The following SPTBN4 variants were observed in gnomAD, a reference collection of about 807,000 sequenced individuals.
The protein encoded by SPTBN4 is spectrin beta, non-erythrocytic 4, also known as spectrin beta chain, non-erythrocytic 4.
Under a neutral mutation model 277.8 loss-of-function variants are expected in SPTBN4, and 96 were observed. The ratio of observed to expected loss-of-function variants is 0.35; its 90% confidence interval spans 0.29 to 0.41. SPTBN4 has a LOEUF of 0.41. Ranked by LOEUF, SPTBN4 falls within the 10% of genes least tolerant of loss-of-function variation. The pLI, the probability that SPTBN4 is intolerant of heterozygous loss-of-function variation, is 1.00. For missense variants in SPTBN4, 3,006 were observed against 3,595.7 expected (o/e 0.84, Z 4.19); for synonymous variants, 1,481 against 1,580.3 (o/e 0.94, Z 1.49).
intron 14 of SPTBN4, 37 bp downstream of exon 14, chr19:40,513,591 C>T: frequency 6.7e-7 from 1 of 1,486,044 alleles, no homozygotes; most frequent in Admixed American, 2.1e-5. Flanking sequence ...GGTCCCCTTC[C>T]TCATGCACCC....
intron 1 of SPTBN4, among the ~76,000 whole-genome samples, chr19:40,468,852 A>C (rs1408142030): frequency 1.3e-5 from 2 of 152,180 alleles, no homozygotes; most frequent in African/African-American, 4.8e-5. Context: ...TAACCCCAGC[A>C]CTTTGGGAAG....
chr19:40,470,379 C>T (rs762090383), intron 1 of SPTBN4, among the ~76,000 whole-genome samples: 11 of 152,018 alleles, frequency 7.2e-5, no homozygotes, highest in Non-Finnish European at 1.3e-4. Flanking sequence ...CATCTTGGCT[C>T]ACTGCAACCT....
At chr19:40,507,704 G>T (rs2080346020) in intron 13 of SPTBN4, among the ~76,000 whole-genome samples, 1 of 152,092 alleles carries the variant, frequency 6.6e-6, no homozygotes, top group African/African-American at 2.4e-5. Context: ...ACATAGTGGT[G>T]CACACCTGTA....
chr19:40,480,335 G>T lies in SPTBN4; in HGVS notation c.170-7362G>T, dbSNP rs564590063. ...CTCAAAAGACTGAGGTGGGAAGATT[G>T]CTTGAGCCCGAGTTCCAGGCTGCAG... On this transcript the variant is annotated intron_variant, in intron 2 of 35. Transcript: ENST00000598249. 1.2e-4 allele frequency among the ~76,000 whole-genome samples: 18 copies of T among 151,988 alleles called. 1 individual carries two copies. In the South Asian group the frequency reaches 3.1e-3, roughly 26 times the overall value.
Position 40,487,683 on chromosome 19 carries a change from G to A in SPTBN4, c.170-14G>A, listed in dbSNP as rs1421911142. The A allele has an allele frequency of 6.2e-7, 1 of 1,606,054 alleles. No individual in the cohort carries two copies. The highest frequency in any genetic ancestry group is 8.5e-7 in the Non-Finnish European group (1 of 1,176,074). ...GTGGAAGCGCCTGGGGGCTCATCAG[G>A]GCCTCTCCTCCAGATGAGCGGGAAG... On this transcript the variant is annotated splice_polypyrimidine_tract_variant and intron_variant, in intron 2 of 35. Coordinates refer to ENST00000598249, the MANE Select transcript of SPTBN4 (RefSeq NM_020971.3).
Position 40,512,825 on chromosome 19 carries a change from C to G in SPTBN4, c.2036C>G (p.Ala679Gly). The change falls in exon 14 of 36, where the codon GCG (alanine) becomes GGG (glycine). Residue 679 changes from alanine (A) to glycine (G), a missense_variant. By Grantham distance (60) the Ala-to-Gly change is moderately conservative. Coordinates refer to ENST00000598249, the MANE Select transcript of SPTBN4 (RefSeq NM_020971.3). ...GGCGGCGGCGGTGCGGCGGGCGCAG[C>G]GGGCGCAGCGGGAACAGCGGGCGGC... ...AAGGGGAAGA[A>G]GAAGTAGGAH... is the part of the protein sequence containing the mutation. 2.1e-6 allele frequency: 3 copies of G among 1,449,342 alleles called. No individual in the cohort carries two copies. The highest frequency in any genetic ancestry group is 2.7e-6 in the Non-Finnish European group (3 of 1,114,430). 89.8% of individuals were successfully genotyped at this position (1,449,342 alleles called of 1,614,324 possible).
At chr19:40,573,675 T>C (rs568030680) in intron 35 of SPTBN4, among the ~76,000 whole-genome samples, 12 of 150,850 alleles carry the variant, frequency 8.0e-5, no homozygotes, top group Admixed American at 2.0e-4. Flanking sequence ...TTATGGTGCA[T>C]GCCTGTAATC....
At chr19:40,555,360 A>C in intron 24 of SPTBN4, 1 of 152,072 alleles carries the variant, frequency 6.6e-6, no homozygotes, top group Admixed American at 6.6e-5. Context: ...GCATGGTGGC[A>C]CGTGCCTGTA....
At chr19:40,497,368 G>T (rs1005637387) in intron 6 of SPTBN4, 121 bp from the exon 7 acceptor site, 15 of 712,664 alleles carry the variant, frequency 2.1e-5, no homozygotes, top group Non-Finnish European at 3.2e-5. Context: ...TTGCCCCTTG[G>T]CTAGACTGTG....
At chr19:40,564,326 A>T (rs970640551) in intron 27 of SPTBN4, among the ~76,000 whole-genome samples, 2 of 152,228 alleles carry the variant, frequency 1.3e-5, no homozygotes, top group African/African-American at 4.8e-5. Flanking sequence ...GCACCACTGC[A>T]CAACAACAAC....
Position 40,565,466 on chromosome 19 carries a change from C to A in SPTBN4, c.5959C>A (p.Leu1987Met). The A allele has an allele frequency of 6.2e-7, 1 of 1,614,130 alleles. No homozygotes were observed. The highest frequency in any genetic ancestry group is 8.5e-7 in the Non-Finnish European group (1 of 1,180,008). The change falls in exon 28 of 36, where the codon CTG becomes ATG. Residue 1987 changes from leucine (L) to methionine (M), a missense_variant. This residue lies in a region of SPTBN4 where 425 missense variants were observed against 594.7 expected (regional missense o/e 0.71). Coordinates refer to ENST00000598249, the MANE Select transcript of SPTBN4 (RefSeq NM_020971.3). ...GGTGCTCATGAACTACCACCAGGGC[C>A]TGAAGACTGAGCTGGAGGCGCGGGT... ...VEVLMNYHQG[L>M]KTELEARVPE...
intron 27 of SPTBN4, among the ~76,000 whole-genome samples, chr19:40,563,355 T>C (rs1212167211): frequency 6.6e-6 from 1 of 151,978 alleles, no homozygotes; most frequent in East Asian, 1.9e-4. Context: ...TGCCAACTGA[T>C]GGAACCTTCA....
intron 6 of SPTBN4, among the ~76,000 whole-genome samples, chr19:40,496,416 C>T (rs1173589119): frequency 6.6e-6 from 1 of 152,134 alleles, no homozygotes; most frequent in African/African-American, 2.4e-5. Flanking sequence ...TCCCAAGTAG[C>T]TGGGATTACA....
intron 22 of SPTBN4, among the ~76,000 whole-genome samples, chr19:40,551,146 A>G (rs565595854): frequency 6.6e-6 from 1 of 152,186 alleles, no homozygotes; most frequent in African/African-American, 2.4e-5. Flanking sequence ...GGGTTTCCCA[A>G]AGGAAAATCA....
At chr19:40,558,827 C>G (rs967813009) in intron 26 of SPTBN4, among the ~76,000 whole-genome samples, 1 of 148,416 alleles carries the variant, frequency 6.7e-6, no homozygotes, top group African/African-American at 2.5e-5. Flanking sequence ...AGGCTGGCCT[C>G]GAAATCCTGA....
Position 40,570,571 on chromosome 19 carries a change from G to C in SPTBN4, c.7162G>C (p.Glu2388Gln). 7.3e-7 allele frequency: 1 copy of C among 1,372,494 alleles called. No individual in the cohort carries two copies. The highest frequency in any genetic ancestry group is 9.4e-7 in the Non-Finnish European group (1 of 1,065,374). The allele number at this position is 1,372,494 out of a possible 1,614,324, so 85.0% of individuals were successfully genotyped here. The change falls in exon 33 of 36, where the codon GAG becomes CAG. Residue 2388 changes from glutamate (E) to glutamine (Q), a missense_variant. Glu to Gln is a conservative substitution (Grantham distance 29, BLOSUM62 2). Transcript: ENST00000598249. ...PKPRRRPRPR[E>Q]GGEGGGSRRS... ...GCCGCGACGGCGGCCGCGGCCCAGA[G>C]AGGGTGGTGAGGGCGGGGGAAGCCG...
chr19:40,469,643 CTTTT>C (rs919689013), intron 1 of SPTBN4, among the ~76,000 whole-genome samples: 1 of 150,530 alleles, frequency 6.6e-6, no homozygotes, highest in Admixed American at 6.7e-5. Flanking sequence ...AATTTCTTCT[CTTTT>C]TTTTTGTTTT....
chr19:40,515,520 T>C lies in SPTBN4; in HGVS notation c.2903+72T>C. ...ACTCACACAGCCATGGACAGCAAGA[T>C]GTGCAATCTCAAACCCCTGGAATCA... On this transcript the variant is annotated intron_variant, in intron 15 of 35. Transcript: ENST00000598249. The surrounding 1 kb of genome is among the most constrained non-coding windows in gnomAD (Gnocchi z 4.1). 3 of 1,419,672 alleles carry C rather than the reference T, an allele frequency of 2.1e-6. No individual in the cohort carries two copies. The highest frequency in any genetic ancestry group is 2.8e-6 in the Non-Finnish European group (3 of 1,079,766). 87.9% of individuals were successfully genotyped at this position (1,419,672 alleles called of 1,614,324 possible).
intron 2 of SPTBN4, among the ~76,000 whole-genome samples, chr19:40,475,080 G>A (rs1415086135): frequency 6.6e-6 from 1 of 152,008 alleles, no homozygotes; most frequent in Non-Finnish European, 1.5e-5. Flanking sequence ...AAAGACCAGA[G>A]AACTTTATAG....
Sources: gnomAD v4.1 joint callset for allele counts (sites outside exome capture counted in the v4.1 genomes callset) on GRCh38, gnomAD v4.1.1 for gene constraint, gnomAD v4.1.1 regional missense constraint, Gnocchi (gnomAD v3.1) non-coding constraint, MANE v1.5 for transcripts, NCBI Gene and HGNC (gene_info 2026-07-23, HGNC 2026-07-21) for gene names.